Variants in AGBL1 observed in about 807,000 individuals in gnomAD.
AGBL1 encodes the protein AGBL carboxypeptidase 1.
Under a neutral mutation model 118.9 loss-of-function variants are expected in AGBL1, and 130 were observed. That is an observed-to-expected ratio of 1.09 (90% CI 0.95 to 1.26). The LOEUF is 1.26. Ranked by LOEUF, AGBL1 falls within the 50% of genes most tolerant of loss-of-function variation. The probability of loss-of-function intolerance (pLI) is 0.00; values close to 1 mark genes in which losing one functional copy is unlikely to be tolerated. For synonymous variants in AGBL1, 555 were observed against 478.9 expected (o/e 1.16, Z -2.08); for missense variants, 1,584 against 1,298.1 (o/e 1.22, Z -3.38).
intron 23 of AGBL1, among the ~76,000 whole-genome samples, chr15:86,942,901 A>C (rs1212277446): frequency 1.3e-5 from 2 of 152,108 alleles, no homozygotes; most frequent in Non-Finnish European, 2.9e-5. Flanking sequence ...CTGCCTTTTA[A>C]ATTTTGTATT....
chr15:86,929,671 A>G (rs908109612), intron 23 of AGBL1, among the ~76,000 whole-genome samples: 1 of 152,226 alleles, frequency 6.6e-6, no homozygotes, highest in South Asian at 2.1e-4. Flanking sequence ...TTAGGACTGC[A>G]TGGCACTATC....
intron 22 of AGBL1, among the ~76,000 whole-genome samples, chr15:86,771,414 A>T (rs772693558): frequency 6.6e-6 from 1 of 151,718 alleles, no homozygotes; most frequent in Non-Finnish European, 1.5e-5. Context: ...TGCTCTTTCC[A>T]ATGCGCTTAA....
chr15:86,207,813 T>C (rs566497995), intron 5 of AGBL1, among the ~76,000 whole-genome samples: 12 of 152,128 alleles, frequency 7.9e-5, no homozygotes, highest in Non-Finnish European at 1.6e-4. Context: ...TTTCTTTCTC[T>C]TGCCTGATTG....
At chr15:86,633,494 A>G (rs1272563567) in intron 21 of AGBL1, among the ~76,000 whole-genome samples, 1 of 152,164 alleles carries the variant, frequency 6.6e-6, no homozygotes, top group Non-Finnish European at 1.5e-5. Context: ...AGAATGCTAC[A>G]TATATAGTGA....
At chr15:86,726,005 T>G (rs921830983) in intron 22 of AGBL1, among the ~76,000 whole-genome samples, 1 of 152,222 alleles carries the variant, frequency 6.6e-6, no homozygotes, top group Non-Finnish European at 1.5e-5. Flanking sequence ...AAGATGGTAT[T>G]TTGTTCAACC....
chr15:86,973,056 C>T (rs1442875069), intron 23 of AGBL1, among the ~76,000 whole-genome samples: 3 of 151,926 alleles, frequency 2.0e-5, no homozygotes, highest in Non-Finnish European at 1.5e-5. Flanking sequence ...AATCTCAAAA[C>T]CTCTTTAAGC....
At chr15:86,827,324 CATATATATATATATGTGTATAT>C (rs2079027657) in intron 22 of AGBL1, among the ~76,000 whole-genome samples, 1 of 2,774 alleles carries the variant, frequency 3.6e-4, no homozygotes, top group Non-Finnish European at 5.1e-4. Context: ...TATACACACA[CATATATATATATATGTGTATAT>C]ATATATATAT....
intron 21 of AGBL1, among the ~76,000 whole-genome samples, chr15:86,566,232 C>T (rs2083911784): frequency 6.6e-6 from 1 of 152,166 alleles, no homozygotes; most frequent in Non-Finnish European, 1.5e-5. Context: ...ACACTGGGAG[C>T]TGTAGACTGG....
At chr15:86,996,036 T>C (rs1029445912) in intron 24 of AGBL1, among the ~76,000 whole-genome samples, 5 of 152,214 alleles carry the variant, frequency 3.3e-5, no homozygotes, top group African/African-American at 1.2e-4. Context: ...TATCATTTTT[T>C]ACCCTGTTCC....
At chr15:86,861,742 A>T (rs1232229958) in intron 22 of AGBL1, among the ~76,000 whole-genome samples, 15 of 152,246 alleles carry the variant, frequency 9.9e-5, no homozygotes, top group Non-Finnish European at 4.4e-5. Flanking sequence ...TGTCCTCAGT[A>T]TGCCACCCAT....
chr15:86,956,715 T>C (rs914111710), intron 23 of AGBL1, among the ~76,000 whole-genome samples: 5 of 152,138 alleles, frequency 3.3e-5, no homozygotes, highest in African/African-American at 1.2e-4. Flanking sequence ...AAACAATTGG[T>C]CACCATTGTT....
chr15:86,609,073 C>A (rs763002947), intron 21 of AGBL1, among the ~76,000 whole-genome samples: 1 of 152,114 alleles, frequency 6.6e-6, no homozygotes, highest in East Asian at 1.9e-4. Flanking sequence ...CTAAACTGTG[C>A]GGGTTGGCTC....
chr15:86,370,299 TC>T (rs1246710250), intron 17 of AGBL1, among the ~76,000 whole-genome samples: 4 of 122,864 alleles, frequency 3.3e-5, no homozygotes, highest in African/African-American at 1.3e-4. Context: ...CTGTCTCTAT[TC>T]CTTTTTTTTT....
At chr15:86,416,135 C>T (rs2081691157) in intron 18 of AGBL1, among the ~76,000 whole-genome samples, 3 of 152,022 alleles carry the variant, frequency 2.0e-5, no homozygotes, top group East Asian at 3.9e-4. Context: ...AACAAACAAA[C>T]CAACAAACAA....
intron 23 of AGBL1, among the ~76,000 whole-genome samples, chr15:86,951,335 A>G (rs1006422921): frequency 3.3e-5 from 5 of 152,192 alleles, no homozygotes; most frequent in African/African-American, 1.2e-4. Context: ...TTGCTATTAT[A>G]CTCAAGACAA....
chr15:86,550,849 A>T (rs865914454), intron 20 of AGBL1, among the ~76,000 whole-genome samples: 33 of 152,100 alleles, frequency 2.2e-4, no homozygotes, highest in African/African-American at 2.9e-4. Flanking sequence ...ATAAATATCA[A>T]TATATCTTAA....
At chr15:86,778,838 A>G (rs1229711870) in intron 22 of AGBL1, among the ~76,000 whole-genome samples, 2 of 152,246 alleles carry the variant, frequency 1.3e-5, no homozygotes, top group Admixed American at 1.3e-4. Flanking sequence ...GGCATAGGAA[A>G]TCACAAGGAT....
At chr15:86,942,325 T>C (rs1452374041) in intron 23 of AGBL1, among the ~76,000 whole-genome samples, 1 of 152,230 alleles carries the variant, frequency 6.6e-6, no homozygotes. Flanking sequence ...CAAGAGGAAG[T>C]CATGGTTCTA....
rs548002599 is a variant in AGBL1, at chr15:86,824,391, A to G, written c.3159-82696A>G. The stretch of plus-strand genomic sequence containing the variant: ...ATATACCCTTAACAAAACATGTACA[A>G]GAATGGTATGATTACAATTATAAAA... On this transcript the variant is annotated intron_variant, in intron 22 of 22. Transcript: ENST00000614907. Among the ~76,000 whole-genome samples, 4 of 152,176 alleles carry G rather than the reference A, an allele frequency of 2.6e-5. No homozygotes were observed. The South Asian group carries it at 8.3e-4, about 31-fold the overall frequency.
Sources: allele counts gnomAD v4.1 joint callset (sites outside exome capture counted in the v4.1 genomes callset), GRCh38; gene constraint gnomAD v4.1.1; transcripts MANE v1.5; gene names NCBI Gene and HGNC (gene_info 2026-07-23, HGNC 2026-07-21).